GTF2F2: variants seen among roughly 807,000 people sequenced by gnomAD.
GTF2F2 encodes the protein ATP-dependent helicase GTF2F2.
In GTF2F2, 23 loss-of-function variants were observed where a neutral mutation model predicts 42.2. That is an observed-to-expected ratio of 0.55 (90% CI 0.39 to 0.77). GTF2F2 has a LOEUF of 0.77. GTF2F2 is among the 30% of genes least tolerant of loss of function. GTF2F2 has a pLI of 0.00. For synonymous variants in GTF2F2, 105 were observed against 100.8 expected, an observed-to-expected ratio of 1.04 and a Z score of -0.25; for missense variants, 261 against 287.2, an observed-to-expected ratio of 0.91 and a Z score of 0.66.
At chr13:45,190,892 A>G (rs1872588416) in intron 4 of GTF2F2, among the ~76,000 whole-genome samples, 2 of 151,378 alleles carry the variant, frequency 1.3e-5, no homozygotes, top group African/African-American at 4.9e-5. Flanking sequence ...CTGGGATTAC[A>G]AGTGTATGCC....
At chr13:45,208,603 T>C (rs1023087267) in intron 5 of GTF2F2, among the ~76,000 whole-genome samples, 9 of 152,190 alleles carry the variant, frequency 5.9e-5, no homozygotes, top group Admixed American at 4.6e-4. Flanking sequence ...AAGACACTGC[T>C]GAAGTAGTGG....
At chr13:45,231,305 A>G (rs901455095) in intron 5 of GTF2F2, among the ~76,000 whole-genome samples, 3 of 151,850 alleles carry the variant, frequency 2.0e-5, no homozygotes, top group African/African-American at 7.3e-5. Flanking sequence ...ATGGGGTTTC[A>G]CCATATTGGC....
chr13:45,245,541 A>G (rs1875542267), intron 5 of GTF2F2, among the ~76,000 whole-genome samples: 1 of 151,962 alleles, frequency 6.6e-6, no homozygotes, highest in Non-Finnish European at 1.5e-5. Context: ...AAGTGAGAAC[A>G]TACAATGTTT....
At chr13:45,280,876 C>G (rs1241284522) in intron 7 of GTF2F2, among the ~76,000 whole-genome samples, 3 of 152,298 alleles carry the variant, frequency 2.0e-5, no homozygotes, top group Admixed American at 6.5e-5. Context: ...ATTTTTGACC[C>G]ATTGCAGTGC....
At chr13:45,144,255 A>C (rs1870079380) in intron 2 of GTF2F2, among the ~76,000 whole-genome samples, 1 of 150,814 alleles carries the variant, frequency 6.6e-6, no homozygotes, top group Admixed American at 6.6e-5. Context: ...CTCAGTCTCA[A>C]AAAAAAAATT....
At chr13:45,194,927 G>GT (rs1450621422) in intron 4 of GTF2F2, among the ~76,000 whole-genome samples, 4 of 152,198 alleles carry the variant, frequency 2.6e-5, no homozygotes, top group Non-Finnish European at 1.5e-5. Context: ...AAATGTGAAT[G>GT]TTTAACTATT....
At chr13:45,198,060 TAGAC>T (rs1308637150) in intron 4 of GTF2F2, among the ~76,000 whole-genome samples, 9 of 152,250 alleles carry the variant, frequency 5.9e-5, no homozygotes, top group African/African-American at 1.9e-4. Flanking sequence ...ACCTCTGTCT[TAGAC>T]AGCTTTAATC....
At chr13:45,173,319 A>G (rs1871688893) in intron 4 of GTF2F2, among the ~76,000 whole-genome samples, 1 of 151,830 alleles carries the variant, frequency 6.6e-6, no homozygotes, top group African/African-American at 2.4e-5. Context: ...ATTGACATTG[A>G]TATAGTCCAC....
At chr13:45,221,071 C>A (rs1874092986) in intron 5 of GTF2F2, among the ~76,000 whole-genome samples, 1 of 151,944 alleles carries the variant, frequency 6.6e-6, no homozygotes, top group African/African-American at 2.4e-5. Flanking sequence ...TACACCATTC[C>A]CCTTCAGAGC....
rs1027775745 is a variant in GTF2F2 at position 45,256,972 on chromosome 13, C to T, written c.486+4002C>T. On this transcript the variant is annotated intron_variant, in intron 6 of 7. Transcript: ENST00000340473. ...AAGTGAAAGAGGGACTGGGAAATTG[C>T]ATATGTATTTGAAAAACAATGTTCC... 3.9e-5 allele frequency among the ~76,000 whole-genome samples: 6 copies of T among 152,108 alleles called. No homozygotes were observed. In the East Asian group the frequency reaches 1.2e-3, roughly 29 times the overall value.
chr13:45,227,666 C>T (rs1372803502), intron 5 of GTF2F2, among the ~76,000 whole-genome samples: 3 of 152,138 alleles, frequency 2.0e-5, no homozygotes, highest in African/African-American at 7.2e-5. Flanking sequence ...GAATATAGAT[C>T]AGTAGTTAAC....
intron 5 of GTF2F2, chr13:45,220,733 G>A (rs577687574): frequency 6.6e-6 from 1 of 152,196 alleles, no homozygotes; most frequent in Non-Finnish European, 1.5e-5. Flanking sequence ...CAGACTGAAC[G>A]GGCTAGACTT....
At chr13:45,124,646 C>T (rs1868878938) in intron 1 of GTF2F2, among the ~76,000 whole-genome samples, 1 of 151,826 alleles carries the variant, frequency 6.6e-6, no homozygotes. Flanking sequence ...CGCACTGTAA[C>T]CTTTGCCTCC....
chr13:45,158,539 C>A (rs1196150793), intron 4 of GTF2F2, among the ~76,000 whole-genome samples: 1 of 152,220 alleles, frequency 6.6e-6, no homozygotes, highest in Non-Finnish European at 1.5e-5. Flanking sequence ...AAATCTCTTA[C>A]CTTTACCATA....
chr13:45,207,783 T>A (rs1873476365), intron 5 of GTF2F2, among the ~76,000 whole-genome samples: 1 of 152,236 alleles, frequency 6.6e-6, no homozygotes, highest in African/African-American at 2.4e-5. Context: ...AAATTTTGAT[T>A]CTTTAAAGAC....
At chr13:45,179,355 C>A (rs539375501) in intron 4 of GTF2F2, among the ~76,000 whole-genome samples, 11 of 152,260 alleles carry the variant, frequency 7.2e-5, no homozygotes, top group African/African-American at 2.6e-4. Context: ...GACCATGTAG[C>A]TTACCTGGTT....
chr13:45,211,496 TA>T (rs112420068), intron 5 of GTF2F2, among the ~76,000 whole-genome samples: 1 of 151,278 alleles, frequency 6.6e-6, no homozygotes, highest in African/African-American at 2.4e-5. Context: ...CTCAAACTCC[TA>T]GGCTCAAGTG....
chr13:45,236,093 T>C (rs2138225908), intron 5 of GTF2F2, among the ~76,000 whole-genome samples: 1 of 152,270 alleles, frequency 6.6e-6, no homozygotes, highest in East Asian at 1.9e-4. Flanking sequence ...TCCCAAGTAT[T>C]TCTAATCAAA....
At chr13:45,136,032 A>T in intron 1 of GTF2F2, among the ~76,000 whole-genome samples, 1 of 152,258 alleles carries the variant, frequency 6.6e-6, no homozygotes, top group East Asian at 1.9e-4. Context: ...AATATAGTGT[A>T]TTGGTTAAGA....
Sources: allele counts gnomAD v4.1 joint callset (sites outside exome capture counted in the v4.1 genomes callset), GRCh38; gene constraint gnomAD v4.1.1; transcripts MANE v1.5; gene names NCBI Gene and HGNC (gene_info 2026-07-23, HGNC 2026-07-21).